Variants in DLGAP2 observed in about 807,000 individuals in gnomAD.
The protein encoded by DLGAP2 is disks large-associated protein 2.
Under a neutral mutation model 100.3 loss-of-function variants are expected in DLGAP2, and 26 were observed. The ratio of observed to expected loss-of-function variants is 0.26; its 90% CI spans 0.19 to 0.36. DLGAP2 has a LOEUF of 0.36. DLGAP2 is among the 10% of genes least tolerant of loss of function. The pLI is 1.00. For missense variants in DLGAP2, 1,858 were observed against 1,453.2 expected (o/e 1.28, Z -4.53); for synonymous variants, 886 against 630.1 (o/e 1.41, Z -6.08).
intron 6 of DLGAP2, among the ~76,000 whole-genome samples, chr8:1,601,776 G>T (rs1448923479): frequency 6.6e-6 from 1 of 152,094 alleles, no homozygotes; most frequent in Non-Finnish European, 1.5e-5. Context: ...CGTAGCTTAG[G>T]GTCTTTGGAG....
intron 3 of DLGAP2, among the ~76,000 whole-genome samples, chr8:1,497,976 C>G (rs1195100241): frequency 6.6e-6 from 1 of 152,174 alleles, no homozygotes; most frequent in Non-Finnish European, 1.5e-5. Context: ...GGTCAAGATA[C>G]AGCTTTTGGT....
intron 2 of DLGAP2, among the ~76,000 whole-genome samples, chr8:1,008,850 A>G (rs1801196933): frequency 6.6e-6 from 1 of 152,238 alleles, no homozygotes; most frequent in Non-Finnish European, 1.5e-5. Context: ...CCTAGTCCTG[A>G]TTCCGCCCAG....
intron 3 of DLGAP2, among the ~76,000 whole-genome samples, chr8:1,489,074 C>T (rs1281463016): frequency 6.6e-6 from 1 of 152,216 alleles, no homozygotes; most frequent in African/African-American, 2.4e-5. Context: ...CAAGGTGTCA[C>T]CCTGTTCAGA....
Position 1,531,096 on chromosome 8 carries a change from T to C in DLGAP2, c.173-17530T>C, listed in dbSNP as rs566532193. Among the ~76,000 whole-genome samples, 143 of 152,344 alleles carry C rather than the reference T, an allele frequency of 9.4e-4. 1 individual carries two copies. The highest frequency in any genetic ancestry group is 3.3e-3 in the African/African-American group (138 of 41,600). ...ATAAAGTTTCCAAATGTATTCCACA[T>C]TCCCTTGAAAGTGCTGAAACTTTGT... On this transcript the variant is annotated intron_variant, in intron 4 of 14. Coordinates refer to ENST00000637795, the MANE Select transcript of DLGAP2 (RefSeq NM_001346810.2).
chr8:1,675,137 C>T (rs1056265956), intron 10 of DLGAP2, among the ~76,000 whole-genome samples: 3 of 152,230 alleles, frequency 2.0e-5, no homozygotes, highest in Non-Finnish European at 4.4e-5. Context: ...GTCTCGGGAC[C>T]GCTTCTGCGC....
chr8:1,546,161 C>T (rs752192062), intron 4 of DLGAP2, among the ~76,000 whole-genome samples: 11 of 152,178 alleles, frequency 7.2e-5, no homozygotes, highest in African/African-American at 2.2e-4. Flanking sequence ...GAAAGGAAGA[C>T]GCCGCCGGCC....
intron 2 of DLGAP2, among the ~76,000 whole-genome samples, chr8:1,185,864 C>G (rs981591044): frequency 6.6e-6 from 1 of 152,166 alleles, no homozygotes; most frequent in Non-Finnish European, 1.5e-5. Context: ...AGCAGTGACG[C>G]CCAACTTGCC....
Position 1,422,137 on chromosome 8 carries a change from G to A in DLGAP2, c.107-79229G>A, listed in dbSNP as rs554465422. Among the ~76,000 whole-genome samples, 37 of 152,252 alleles carry A rather than the reference G, an allele frequency of 2.4e-4. 1 individual carries two copies. The highest frequency in any genetic ancestry group is 1.8e-3 in the Admixed American group (28 of 15,300). On this transcript the variant is annotated intron_variant, in intron 3 of 14. Transcript: ENST00000637795. ...ACAAGGTGTGTAGGACAGCTACCCC[G>A]TTTCACGGACCACATGGCTGAGTCG...
At chr8:1,551,021 T>C (rs1165330396) in intron 5 of DLGAP2, among the ~76,000 whole-genome samples, 1 of 152,238 alleles carries the variant, frequency 6.6e-6, no homozygotes, top group Non-Finnish European at 1.5e-5. Context: ...TGATTCTTTC[T>C]GGGAGTCGTG....
intron 1 of DLGAP2, among the ~76,000 whole-genome samples, chr8:794,138 C>G (rs1196904014): frequency 6.6e-6 from 1 of 150,628 alleles, no homozygotes; most frequent in African/African-American, 2.5e-5. Context: ...ATTAGATAAA[C>G]TACATCTATT....
chr8:1,599,046 C>T (rs149850402), intron 6 of DLGAP2, among the ~76,000 whole-genome samples: 22 of 152,174 alleles, frequency 1.4e-4, no homozygotes, highest in Non-Finnish European at 2.9e-4. Flanking sequence ...AGCTGTGTCC[C>T]AGAGATTCTG....
At chr8:1,365,151 C>G (rs1301182804) in intron 3 of DLGAP2, among the ~76,000 whole-genome samples, 1 of 152,214 alleles carries the variant, frequency 6.6e-6, no homozygotes, top group African/African-American at 2.4e-5. Flanking sequence ...ACAAAGCCAT[C>G]TGTGGTTCGG....
At chr8:1,409,232 C>G (rs1056212921) in intron 3 of DLGAP2, among the ~76,000 whole-genome samples, 1 of 151,084 alleles carries the variant, frequency 6.6e-6, no homozygotes. Context: ...ATAGGAAGCC[C>G]ATCTCCCCTT....
At chr8:1,225,617 G>A (rs1270599456) in intron 2 of DLGAP2, among the ~76,000 whole-genome samples, 5 of 152,186 alleles carry the variant, frequency 3.3e-5, no homozygotes, top group Admixed American at 2.0e-4. Context: ...TCATATGCAA[G>A]TATCATGAAC....
intron 2 of DLGAP2, among the ~76,000 whole-genome samples, chr8:951,408 C>CT (rs1799476182): frequency 6.6e-6 from 1 of 152,100 alleles, no homozygotes; most frequent in Non-Finnish European, 1.5e-5. Context: ...CCACACCTGG[C>CT]TATTTTTTTG....
chr8:1,182,238 G>C (rs114086952), intron 2 of DLGAP2, among the ~76,000 whole-genome samples: 1 of 152,224 alleles, frequency 6.6e-6, no homozygotes, highest in South Asian at 2.1e-4. Flanking sequence ...ACAGGGGCTT[G>C]GGGGCGACTG....
intron 2 of DLGAP2, among the ~76,000 whole-genome samples, chr8:1,240,242 C>T (rs375445277): frequency 3.0e-4 from 16 of 53,794 alleles, no homozygotes; most frequent in South Asian, 5.3e-4. Flanking sequence ...CACATGGCGC[C>T]GTGTCTAGTT....
intron 3 of DLGAP2, chr8:1,380,949 A>AC (rs1215929086): frequency 2.2e-5 from 3 of 139,324 alleles, no homozygotes; most frequent in Non-Finnish European, 3.0e-5. Flanking sequence ...AAAAAAAAAA[A>AC]AAAAAAAAAA....
chr8:1,285,882 C>T (rs1244000108), intron 3 of DLGAP2, among the ~76,000 whole-genome samples: 1 of 152,180 alleles, frequency 6.6e-6, no homozygotes, highest in Non-Finnish European at 1.5e-5. Context: ...TACCTGAGCC[C>T]AGAAGGTTGA....
Sources: allele counts gnomAD v4.1 joint callset (sites outside exome capture counted in the v4.1 genomes callset), GRCh38; gene constraint gnomAD v4.1.1; transcripts MANE v1.5; gene names NCBI Gene and HGNC (gene_info 2026-07-23, HGNC 2026-07-21).